Variants in CFAP70 observed in about 807,000 individuals in gnomAD.
CFAP70 encodes the protein cilia and flagella associated protein 70.
Under a neutral mutation model 137.6 loss-of-function variants are expected in CFAP70, and 81 were observed. That is an observed-to-expected ratio of 0.59 (90% CI 0.49 to 0.71). The LOEUF (loss-of-function observed/expected upper bound fraction) is 0.71. CFAP70 is among the 30% of genes least tolerant of loss of function. The pLI, the probability that CFAP70 is intolerant of heterozygous loss-of-function variation, is 0.00. For synonymous variants in CFAP70, 382 were observed against 423.6 expected (o/e 0.90, Z 1.20); for missense variants, 976 against 1,226.7 (o/e 0.80, Z 3.05).
chr10:73,303,409 A>G (rs1393074587), intron 12 of CFAP70, among the ~76,000 whole-genome samples: 1 of 151,676 alleles, frequency 6.6e-6, no homozygotes, highest in African/African-American at 2.4e-5. Flanking sequence ...TAGTAGAGAC[A>G]GTGTTTCACT....
At chr10:73,310,096 C>A in intron 12 of CFAP70, 62 bp downstream of exon 13, 1 of 1,058,404 alleles carries the variant, frequency 9.4e-7, no homozygotes, top group Non-Finnish European at 1.4e-6. Context: ...TGGGGACAAT[C>A]TGACTTCCTC....
rs1411445430 is a variant in CFAP70 at position 73,275,540 on chromosome 10, T to G, written c.2579A>C (p.Glu860Ala). The change falls in exon 22 of 27, where the codon GAA becomes GCA. Residue 860 changes from glutamate (E) to alanine (A), a missense_variant. Glu to Ala is a moderately radical substitution (Grantham distance 107). Coordinates refer to ENST00000310715, the Ensembl canonical transcript of CFAP70. The surrounding 1 kb of genome is among the most constrained non-coding windows in gnomAD (Gnocchi z 4.0). ...TGTTTGGGCCAGCACCAAGTAATAT[T>G]CACAGCTGGGGCCTCCTTGAGGGCA... is the stretch of plus-strand genomic sequence containing the variant. 6 of 1,611,544 alleles carry G rather than the reference T, an allele frequency of 3.7e-6. 1 individual carries two copies. The South Asian group carries it at 4.4e-5, about 12-fold the overall frequency.
intron 7 of CFAP70, among the ~76,000 whole-genome samples, chr10:73,334,641 G>T (rs6480696): frequency 6.6e-6 from 1 of 150,724 alleles, no homozygotes; most frequent in African/African-American, 2.5e-5. Flanking sequence ...ATGCAGTGGC[G>T]TGATCTCGGC....
At chr10:73,256,551 AATT>A in intron 25 of CFAP70, 135 bp from the exon 27 acceptor site, 2 of 830,376 alleles carry the variant, frequency 2.4e-6, no homozygotes, top group Non-Finnish European at 3.8e-6. Context: ...AGAACTTCTG[AATT>A]GAGAGGAAAA....
intron 6 of CFAP70, among the ~76,000 whole-genome samples, chr10:73,338,673 C>A (rs7923858): frequency 0.11 from 15,999 of 151,928 alleles, 1,211 homozygotes; most frequent in East Asian, 0.3. Flanking sequence ...TTGTGATCCA[C>A]CCGCCTTGGC....
At chr10:73,331,403 G>A (rs888505352) in intron 7 of CFAP70, 127 bp from the exon 9 acceptor site, 24 of 707,998 alleles carry the variant, frequency 3.4e-5, no homozygotes, top group Admixed American at 5.8e-5. Context: ...TGGGGGGCTC[G>A]GCTCAGTGGC....
chr10:73,284,196 G>T (rs1486073571), intron 19 of CFAP70, among the ~76,000 whole-genome samples: 1 of 152,116 alleles, frequency 6.6e-6, no homozygotes, highest in Non-Finnish European at 1.5e-5. Context: ...TATATACCTT[G>T]GTTTGTAGCC....
intron 9 of CFAP70, among the ~76,000 whole-genome samples, chr10:73,316,499 T>TATATATATATATATATAG (rs2050390202): frequency 1.5e-5 from 2 of 136,166 alleles, no homozygotes; most frequent in African/African-American, 5.6e-5. Flanking sequence ...TATATATATA[T>TATATATATATATATATAG]ATATATATAT....
exon 8 of CFAP70, chr10:73,331,220 G>A: frequency 1.2e-6 from 2 of 1,613,432 alleles, no homozygotes. Context: ...AGTGACCAGA[G>A]GAACTCTTGT....
rs1176042811 is a variant in CFAP70, at chr10:73,256,351, G to T, written c.3075+18C>A. 1.9e-6 allele frequency: 3 copies of T among 1,613,974 alleles called. No individual in the cohort carries two copies. Among genetic ancestry groups the T allele is most frequent in the Non-Finnish European group, 2.5e-6 (3 of 1,179,874 alleles). On this transcript the variant is annotated intron_variant, in intron 26 of 26. Coordinates refer to ENST00000310715, the Ensembl canonical transcript of CFAP70. ...CTTAACATGGGGCAGGCAAATGACA[G>T]AGGCATCTGTGTCATACCTTGATCA...
At chr10:73,270,678 G>A (rs2046232876) in intron 24 of CFAP70, among the ~76,000 whole-genome samples, 1 of 150,634 alleles carries the variant, frequency 6.6e-6, no homozygotes, top group African/African-American at 2.5e-5. Context: ...TAGAATTACA[G>A]GTGCCCACCA....
chr10:73,285,635 C>CTTTT (rs769793433), intron 19 of CFAP70, among the ~76,000 whole-genome samples: 4 of 136,934 alleles, frequency 2.9e-5, no homozygotes, highest in East Asian at 2.1e-4. Context: ...ACTATATTTT[C>CTTTT]TTTTTTTTTT....
chr10:73,271,034 C>T (rs988572151), intron 24 of CFAP70, among the ~76,000 whole-genome samples: 2 of 152,148 alleles, frequency 1.3e-5, no homozygotes, highest in Non-Finnish European at 2.9e-5. Context: ...AAAATAAAAT[C>T]CCGTAGTCCC....
chr10:73,321,855 C>A (rs893935385), intron 9 of CFAP70, among the ~76,000 whole-genome samples: 1 of 152,116 alleles, frequency 6.6e-6, no homozygotes, highest in Non-Finnish European at 1.5e-5. Context: ...GCAATTTCAG[C>A]TCACTGTAAC....
intron 6 of CFAP70, among the ~76,000 whole-genome samples, chr10:73,336,148 A>C (rs1011875355): frequency 2.0e-5 from 3 of 152,006 alleles, no homozygotes; most frequent in African/African-American, 7.2e-5. Flanking sequence ...TCAAAAAAAA[A>C]AAAAGGAAAA....
chr10:73,263,351 G>C (rs114385525), intron 25 of CFAP70, among the ~76,000 whole-genome samples: 13 of 152,198 alleles, frequency 8.5e-5, no homozygotes, highest in African/African-American at 2.9e-4. Context: ...CCAAAGTGCC[G>C]GGATTACAGG....
chr10:73,361,406 C>G (rs138139038), upstream of CFAP70, among the ~76,000 whole-genome samples: 39 of 151,706 alleles, frequency 2.6e-4, no homozygotes, highest in East Asian at 7.4e-3. Flanking sequence ...GACCCTCCCA[C>G]CTCAGCCTCC....
chr10:73,338,860 C>T (rs938774722), intron 6 of CFAP70, among the ~76,000 whole-genome samples: 14 of 151,596 alleles, frequency 9.2e-5, no homozygotes, highest in African/African-American at 2.2e-4. Flanking sequence ...TGAGTATGCA[C>T]GAATTTTGGT....
intron 21 of CFAP70, chr10:73,277,020 G>A (rs932771256): frequency 2.9e-5 from 11 of 384,290 alleles, no homozygotes; most frequent in Middle Eastern, 7.3e-4. Context: ...AGCTCTGTTG[G>A]TATTCTACAG....
Sources: allele counts gnomAD v4.1 joint callset (sites outside exome capture counted in the v4.1 genomes callset), GRCh38; gene constraint gnomAD v4.1.1; non-coding constraint Gnocchi (gnomAD v3.1); transcripts MANE v1.5; gene names NCBI Gene and HGNC (gene_info 2026-07-23, HGNC 2026-07-21).